CDH18: variants seen among roughly 807,000 people sequenced by gnomAD.
CDH18 encodes the protein cadherin-18.
Under a neutral mutation model 67.9 loss-of-function variants are expected in CDH18, and 31 were observed. The ratio of observed to expected loss-of-function variants is 0.46; its 90% confidence interval spans 0.34 to 0.62. CDH18 has a LOEUF of 0.62. CDH18 is among the 20% of genes least tolerant of loss of function. CDH18 has a pLI of 0.01. For missense variants in CDH18, 890 were observed against 975.5 expected (o/e 0.91, Z 1.17); for synonymous variants, 362 against 347.2 (o/e 1.04, Z -0.48).
At chr5:20,430,526 A>G (rs1054398858) in intron 1 of CDH18, among the ~76,000 whole-genome samples, 14 of 152,324 alleles carry the variant, frequency 9.2e-5, no homozygotes, top group Non-Finnish European at 1.3e-4. Flanking sequence ...GTTGCTTACC[A>G]TCTATATACC....
At chr5:20,359,318 G>T (rs904983568) in intron 1 of CDH18, among the ~76,000 whole-genome samples, 2 of 152,076 alleles carry the variant, frequency 1.3e-5, no homozygotes, top group African/African-American at 4.8e-5. Flanking sequence ...TATAAAGTTT[G>T]TAAAATAAGA....
intron 2 of CDH18, among the ~76,000 whole-genome samples, chr5:19,936,766 T>C (rs1029043386): frequency 3.3e-5 from 5 of 151,066 alleles, no homozygotes; most frequent in Admixed American, 6.6e-5. Context: ...CCTCTTAAAA[T>C]ATATGTCCAA....
At chr5:19,553,678 T>C (rs1285138634) in intron 8 of CDH18, among the ~76,000 whole-genome samples, 1 of 148,324 alleles carries the variant, frequency 6.7e-6, no homozygotes, top group African/African-American at 2.5e-5. Flanking sequence ...TATTGCTCTG[T>C]CACCCAGTCT....
chr5:20,141,291 C>T lies in CDH18; in HGVS notation c.-518+114153G>A, dbSNP rs919558964. On this transcript the variant is annotated intron_variant, in intron 2 of 14. Coordinates refer to the CDH18 transcript ENST00000507958. ...TAGTTAAATTGACTTGATGATGCTG[C>T]GAGGAGAGACAGGAGGAGACAAATC... 5.9e-5 allele frequency among the ~76,000 whole-genome samples: 9 copies of T among 152,004 alleles called. 1 individual carries two copies. Among genetic ancestry groups the T allele is most frequent in the Admixed American group, 1.3e-4 (2 of 15,234 alleles).
chr5:19,610,705 G>A (rs934719421), intron 6 of CDH18, among the ~76,000 whole-genome samples: 4 of 152,000 alleles, frequency 2.6e-5, no homozygotes, highest in East Asian at 3.9e-4. Context: ...CTGAATTATC[G>A]CTTATTATCT....
intron 2 of CDH18, among the ~76,000 whole-genome samples, chr5:19,842,249 T>C (rs1273608480): frequency 6.6e-6 from 1 of 152,186 alleles, no homozygotes; most frequent in Non-Finnish European, 1.5e-5. Flanking sequence ...GGCACCAATA[T>C]GGTCTGGCTC....
At chr5:20,019,231 C>T (rs932461823) in intron 2 of CDH18, among the ~76,000 whole-genome samples, 3 of 152,124 alleles carry the variant, frequency 2.0e-5, no homozygotes, top group Non-Finnish European at 4.4e-5. Flanking sequence ...AAGAATGATA[C>T]TATCTTTTAA....
At chr5:20,075,637 G>A (rs1246404481) in intron 2 of CDH18, among the ~76,000 whole-genome samples, 1 of 152,134 alleles carries the variant, frequency 6.6e-6, no homozygotes, top group Non-Finnish European at 1.5e-5. Context: ...CTAGAACATA[G>A]TTTTCAAAAT....
intron 2 of CDH18, among the ~76,000 whole-genome samples, chr5:19,918,262 T>G (rs1792048159): frequency 6.6e-6 from 1 of 152,186 alleles, no homozygotes; most frequent in Non-Finnish European, 1.5e-5. Flanking sequence ...ACAATTTGAC[T>G]GTCACAAGTT....
intron 2 of CDH18, among the ~76,000 whole-genome samples, chr5:19,887,712 G>A (rs1788365252): frequency 6.6e-6 from 1 of 151,514 alleles, no homozygotes; most frequent in African/African-American, 2.4e-5. Flanking sequence ...TGTGACCACA[G>A]GTGCACACCA....
chr5:20,557,343 G>T (rs1458586501), intron 1 of CDH18, among the ~76,000 whole-genome samples: 1 of 151,862 alleles, frequency 6.6e-6, no homozygotes, highest in Non-Finnish European at 1.5e-5. Context: ...TATCAATATG[G>T]TTACATGAAA....
At chr5:20,513,827 G>A (rs373452008) in intron 1 of CDH18, among the ~76,000 whole-genome samples, 28 of 152,108 alleles carry the variant, frequency 1.8e-4, no homozygotes, top group Admixed American at 3.9e-4. Flanking sequence ...ACAGCAAATC[G>A]CATGACCATT....
Position 20,508,748 on chromosome 5 carries a change from G to T in CDH18, c.-580+66714C>A, listed in dbSNP as rs147964083. 7.1e-3 allele frequency among the ~76,000 whole-genome samples: 1,081 copies of T among 151,978 alleles called. 8 individuals carry two copies. Among genetic ancestry groups the T allele is most frequent in the African/African-American group, 0.024 (1,014 of 41,512 alleles). On this transcript the variant is annotated intron_variant, in intron 1 of 14. Transcript: ENST00000507958. ...CAGCAGCTATTTTCTATGAGTCTCA[G>T]TTCCATTGTTGGTAAAATAAAATAT... is the stretch of plus-strand genomic sequence containing the variant.
chr5:20,117,139 AT>A (rs1747991913), intron 2 of CDH18, among the ~76,000 whole-genome samples: 1 of 152,126 alleles, frequency 6.6e-6, no homozygotes. Context: ...CATGTTTTAC[AT>A]TTAAATTTAT....
intron 2 of CDH18, among the ~76,000 whole-genome samples, chr5:20,244,983 A>T (rs1743267409): frequency 6.6e-6 from 1 of 152,094 alleles, no homozygotes. Context: ...GAAACCTCCA[A>T]ACTTAAAAAT....
chr5:20,016,927 T>G (rs1561716489), intron 2 of CDH18, among the ~76,000 whole-genome samples: 1 of 152,164 alleles, frequency 6.6e-6, no homozygotes, highest in Non-Finnish European at 1.5e-5. Context: ...TGAATGTACA[T>G]TTGTAGTAAT....
At chr5:19,712,742 T>C (rs187875873) in intron 5 of CDH18, among the ~76,000 whole-genome samples, 2 of 151,018 alleles carry the variant, frequency 1.3e-5, no homozygotes, top group East Asian at 1.9e-4. Context: ...GTATTTTCTA[T>C]ATATATGTGT....
intron 2 of CDH18, among the ~76,000 whole-genome samples, chr5:20,181,375 T>C (rs1359139798): frequency 6.6e-6 from 1 of 152,040 alleles, no homozygotes; most frequent in Non-Finnish European, 1.5e-5. Context: ...CCAGGATATC[T>C]TGCTGCAGAG....
At chr5:19,619,995 T>C (rs1750441846) in intron 5 of CDH18, among the ~76,000 whole-genome samples, 1 of 152,124 alleles carries the variant, frequency 6.6e-6, no homozygotes, top group Non-Finnish European at 1.5e-5. Context: ...ATTTTACTTA[T>C]AAAGAAAAAT....
Sources: gnomAD v4.1 joint callset for allele counts (sites outside exome capture counted in the v4.1 genomes callset) on GRCh38, gnomAD v4.1.1 for gene constraint, MANE v1.5 for transcripts, NCBI Gene and HGNC (gene_info 2026-07-23, HGNC 2026-07-21) for gene names.